Variants in BRWD1 observed in about 807,000 individuals in gnomAD.
The protein encoded by BRWD1 is bromodomain and WD repeat domain containing 1.
In BRWD1, 82 loss-of-function variants were observed where a neutral mutation model predicts 251.2. The ratio of observed to expected loss-of-function variants is 0.33; its 90% confidence interval spans 0.27 to 0.39. BRWD1 has a LOEUF of 0.39. BRWD1 is among the 10% of genes least tolerant of loss of function. The pLI is 1.00. For synonymous variants in BRWD1, 918 were observed against 902.8 expected, an observed-to-expected ratio of 1.02 and a Z score of -0.30; for missense variants, 2,233 against 2,711.6, an observed-to-expected ratio of 0.82 and a Z score of 3.92.
rs1568930326 is a variant in BRWD1, at chr21:39,264,986, A to G, written c.1564T>C (p.Cys522Arg). Residue 522 changes from cysteine to arginine, a missense_variant, in exon 16 of 41, where the codon TGT becomes CGT. Around this residue, in one of 12 missense-constraint regions of BRWD1, gnomAD observed 315 missense variants for 421.8 expected, o/e 0.75. Coordinates refer to ENST00000342449, the MANE Select transcript of BRWD1 (RefSeq NM_033656.4). Reference sequence around the variant, plus strand: ...TGCTGTCCATCCTGTGAAAACTTACAGTCAAACACAGCTCCATGTCCTTGT... The same window carrying G: ...TGCTGTCCATCCTGTGAAAACTTACGGTCAAACACAGCTCCATGTCCTTGT... ...EGQGHGAVFDCKFSQDGQHFA... is the reference protein window; with the variant it reads ...EGQGHGAVFDRKFSQDGQHFA... 6.2e-7 allele frequency: 1 copy of G among 1,614,048 alleles called. No homozygotes were observed. The highest frequency in any genetic ancestry group is 8.5e-7 in the Non-Finnish European group (1 of 1,179,948).
chr21:39,228,087 A>G (rs2033454494), intron 27 of BRWD1, among the ~76,000 whole-genome samples: 1 of 152,200 alleles, frequency 6.6e-6, no homozygotes, highest in African/African-American at 2.4e-5. Context: ...CAGGAGTTCG[A>G]GTCCAGCCTG....
chr21:39,246,930 A>G (rs2034211075), intron 21 of BRWD1, among the ~76,000 whole-genome samples: 1 of 152,108 alleles, frequency 6.6e-6, no homozygotes, highest in South Asian at 2.1e-4. Context: ...AAAAATACAA[A>G]AATTAGCTGG....
At chr21:39,275,348 A>G (rs73359547) in intron 12 of BRWD1, among the ~76,000 whole-genome samples, 2,780 of 152,270 alleles carry the variant, frequency 0.018, 79 homozygotes, top group African/African-American at 0.064. Context: ...CTACCCAAAC[A>G]AGAAATTTAA....
chr21:39,313,817 CCTG>C, upstream of BRWD1: 1 of 358,152 alleles, frequency 2.8e-6, no homozygotes. Context: ...GAGGCAAAGA[CCTG>C]GGCGCCGCAG....
In BRWD1 at chr21:39,247,315, T is replaced by C. The variant is rs150347946; in HGVS notation, c.2481+386A>G. 3.7e-3 allele frequency among the ~76,000 whole-genome samples: 563 copies of C among 152,306 alleles called. 2 individuals carry two copies. Among genetic ancestry groups the C allele is most frequent in the African/African-American group, 0.013 (539 of 41,574 alleles). ...ACCCCTTATCCAGAACGCTGGGGAA[T>C]AGAATTGTTTCAGATTTCGTATTTT... On this transcript the variant is annotated intron_variant, in intron 21 of 40. Coordinates refer to ENST00000342449, the MANE Select transcript of BRWD1 (RefSeq NM_033656.4).
chr21:39,193,293 G>T lies in BRWD1; in HGVS notation c.*2966C>A. On this transcript the variant is annotated 3_prime_UTR_variant, in exon 41 of 41. Transcript: ENST00000342449. ...TCCAAGGATTAATAAACTGAGAAAT[G>T]ATTTAATCAGATATTTGCCACTTAC... The T allele has an allele frequency of 2.0e-6, 2 of 985,076 alleles. No individual in the cohort carries two copies. Among genetic ancestry groups the T allele is most frequent in the Non-Finnish European group, 2.4e-6 (2 of 829,700 alleles). The allele number at this position is 985,076 out of a possible 1,614,324, so 61.0% of individuals were successfully genotyped here. A position where few individuals can be genotyped will look rare whatever the true frequency, so the allele number is the denominator to read the frequency against.
rs189249525 is a variant in BRWD1, at chr21:39,218,304, A to T, written c.3539-32T>A. ...GGGAAGACAGGAGAGTTTTTAATCAATAAATCCATTGCCTCTAAGTGGTAC... is the reference window on the plus strand; with the variant it reads ...GGGAAGACAGGAGAGTTTTTAATCATTAAATCCATTGCCTCTAAGTGGTAC... On this transcript the variant is annotated intron_variant, in intron 30 of 40. Coordinates refer to ENST00000342449, the MANE Select transcript of BRWD1 (RefSeq NM_033656.4). The T allele has an allele frequency of 1.6e-5, 26 of 1,582,626 alleles. No homozygotes were observed. In the African/African-American group the frequency reaches 3.4e-4, roughly 21 times the overall value.
At chr21:39,203,432 CTGGT>C (rs1158298398) in intron 37 of BRWD1, among the ~76,000 whole-genome samples, 1 of 100,136 alleles carries the variant, frequency 1.0e-5, no homozygotes, top group Non-Finnish European at 2.4e-5. Context: ...GAGCAAGACC[CTGGT>C]TCTTTTTTTT....
chr21:39,320,444 C>G (rs1021273710), intron 1 of BRWD1, among the ~76,000 whole-genome samples: 4 of 152,102 alleles, frequency 2.6e-5, no homozygotes, highest in African/African-American at 7.2e-5. Flanking sequence ...AATTGATCCT[C>G]CCACCTCTGC....
In BRWD1 at chr21:39,276,177, C is replaced by T; in HGVS notation, c.1141G>A (p.Asp381Asn). 1 of 1,607,708 alleles carries T rather than the reference C, an allele frequency of 6.2e-7. No homozygotes were observed. Among genetic ancestry groups the T allele is most frequent in the Non-Finnish European group, 8.5e-7 (1 of 1,176,276 alleles). The change falls in exon 12 of 41, where the codon GAT (aspartate) becomes AAT (asparagine). Residue 381 changes from aspartate (D) to asparagine (N), a missense_variant. This residue lies in a region of BRWD1 where 315 missense variants were observed against 421.8 expected (regional missense o/e 0.75). Transcript: ENST00000342449. ...VDSIQFCNNG[D>N]RFLSGSRDGT... ...ACATACAAAACACACACTTACCGAT[C>T]ACCATTGTTACAAAATTGGATACTA...
Position 39,187,665 on chromosome 21 carries a change from C to A in BRWD1, c.*8594G>T. The stretch of plus-strand genomic sequence containing the variant: ...CTTGTAAGAATGGGGTGAAAAGTTC[C>A]TTCAGCATCGGCATCATAAAGCTGC... On this transcript the variant is annotated 3_prime_UTR_variant, in exon 41 of 41. Transcript: ENST00000342449. 1 of 985,324 alleles carries A rather than the reference C, an allele frequency of 1.0e-6. No individual in the cohort carries two copies. Among genetic ancestry groups the A allele is most frequent in the Non-Finnish European group, 1.2e-6 (1 of 829,890 alleles). The allele number at this position is 985,324 out of a possible 1,614,324, so 61.0% of individuals were successfully genotyped here.
In BRWD1 at chr21:39,190,120, T is replaced by G. The variant is rs2031470725; in HGVS notation, c.*6139A>C. The stretch of plus-strand genomic sequence containing the variant: ...ATTATAACTCACAGATATGTGTGTA[T>G]TCTAAGATGGTATATGTGGTGAATA... On this transcript the variant is annotated 3_prime_UTR_variant, in exon 41 of 41. Coordinates refer to ENST00000342449, the MANE Select transcript of BRWD1 (RefSeq NM_033656.4). 2 of 985,056 alleles carry G rather than the reference T, an allele frequency of 2.0e-6. No individual in the cohort carries two copies. Among genetic ancestry groups the G allele is most frequent in the Non-Finnish European group, 2.4e-6 (2 of 829,694 alleles). The allele number at this position is 985,056 out of a possible 1,614,324, so 61.0% of individuals were successfully genotyped here.
intron 40 of BRWD1, among the ~76,000 whole-genome samples, chr21:39,197,767 G>T (rs928647028): frequency 1.3e-5 from 2 of 152,144 alleles, no homozygotes; most frequent in African/African-American, 4.8e-5. Flanking sequence ...TCACACAATG[G>T]TAAGTCTGTG....
At chr21:39,239,723 T>C (rs537093310) in intron 21 of BRWD1, among the ~76,000 whole-genome samples, 13 of 152,346 alleles carry the variant, frequency 8.5e-5, no homozygotes, top group African/African-American at 3.1e-4. Flanking sequence ...TTGTTTGGGA[T>C]TGTGAATCTA....
In BRWD1 at chr21:39,202,459, G is replaced by T; in HGVS notation, c.4451C>A (p.Thr1484Lys). 1 of 1,614,064 alleles carries T rather than the reference G, an allele frequency of 6.2e-7. No individual in the cohort carries two copies. The highest frequency in any genetic ancestry group is 8.5e-7 in the Non-Finnish European group (1 of 1,179,958). Residue 1484 changes from threonine (T) to lysine (K), a missense_variant, in exon 38 of 41, where the codon ACA becomes AAA. Around this residue, in one of 12 missense-constraint regions of BRWD1, gnomAD observed 928 missense variants for 970.0 expected, o/e 0.96. Coordinates refer to ENST00000342449, the MANE Select transcript of BRWD1 (RefSeq NM_033656.4). Reference sequence around the variant, plus strand: ...TGTCTTGTGGGTTCCAAGATAAGCTGTCCTACTTGAGGTAGACTGGGTAGG... The same window carrying T: ...TGTCTTGTGGGTTCCAAGATAAGCTTTCCTACTTGAGGTAGACTGGGTAGG... ...GSPTQSTSSR[T>K]AYLGTHKTSA... is the part of the protein sequence containing the mutation.
Position 39,187,361 on chromosome 21 carries a change from G to A in BRWD1, c.*8898C>T. 1 of 1,611,848 alleles carries A rather than the reference G, an allele frequency of 6.2e-7. No individual in the cohort carries two copies. Among genetic ancestry groups the A allele is most frequent in the Non-Finnish European group, 8.5e-7 (1 of 1,179,368 alleles). On this transcript the variant is annotated 3_prime_UTR_variant, in exon 41 of 41. Coordinates refer to ENST00000342449, the MANE Select transcript of BRWD1 (RefSeq NM_033656.4). Reference sequence around the variant, plus strand: ...CTAGGCATCTGCACTGCATCCTTCTGATTATGCATACATGTTCTCACTTTT... The same window carrying A: ...CTAGGCATCTGCACTGCATCCTTCTAATTATGCATACATGTTCTCACTTTT...
At chr21:39,317,359 G>T (rs975827753), upstream of BRWD1, 2 of 152,218 alleles carry the variant, frequency 1.3e-5, no homozygotes. Flanking sequence ...TTAACAGTGG[G>T]TGACATTAAG....
chr21:39,290,410 G>A (rs116011296), intron 8 of BRWD1, among the ~76,000 whole-genome samples: 2,301 of 150,574 alleles, frequency 0.015, 57 homozygotes, highest in African/African-American at 0.053. Flanking sequence ...AGAACCACTT[G>A]AACCCATGAG....
chr21:39,264,739 A>T, intron 16 of BRWD1, 54 bp from the exon 17 acceptor site: 1 of 1,500,742 alleles, frequency 6.7e-7, no homozygotes, highest in Non-Finnish European at 9.0e-7. Flanking sequence ...ATTTTAAAGG[A>T]AACAAATATT....
Sources: gnomAD v4.1 joint callset for allele counts (sites outside exome capture counted in the v4.1 genomes callset) on GRCh38, gnomAD v4.1.1 for gene constraint, gnomAD v4.1.1 regional missense constraint, MANE v1.5 for transcripts, NCBI Gene and HGNC (gene_info 2026-07-23, HGNC 2026-07-21) for gene names.